The following STOX2 variants were observed in gnomAD, a reference collection of about 807,000 sequenced individuals.
STOX2 encodes storkhead box 2, also known as storkhead-box protein 2.
Under a neutral mutation model 60.9 loss-of-function variants are expected in STOX2, and 28 were observed. The observed-to-expected ratio is 0.46, with a 90% CI of 0.34 to 0.63. STOX2 has a LOEUF of 0.63. Ranked by LOEUF, STOX2 falls within the 30% of genes least tolerant of loss-of-function variation. STOX2 has a pLI of 0.01. For synonymous variants in STOX2, 472 were observed against 463.9 expected, an observed-to-expected ratio of 1.02 and a Z score of -0.22; for missense variants, 1,024 against 1,187.7, an observed-to-expected ratio of 0.86 and a Z score of 2.03.
chr4:183,895,625 G>A (rs1055456735), intron 1 of STOX2, among the ~76,000 whole-genome samples: 1 of 152,188 alleles, frequency 6.6e-6, no homozygotes, highest in African/African-American at 2.4e-5. Flanking sequence ...CTGCCCTTAG[G>A]AGGCAGATTC....
At chr4:183,854,194 C>T (rs565218670) in intron 1 of STOX2, among the ~76,000 whole-genome samples, 1 of 152,326 alleles carries the variant, frequency 6.6e-6, no homozygotes, top group African/African-American at 2.4e-5. Flanking sequence ...ATATAAGTGT[C>T]TTGAATAATG....
intron 2 of STOX2, among the ~76,000 whole-genome samples, chr4:184,008,668 C>A (rs1733986187): frequency 6.6e-6 from 1 of 152,170 alleles, no homozygotes; most frequent in Non-Finnish European, 1.5e-5. Context: ...TAAGTAAAAT[C>A]TTTAACAATG....
intron 1 of STOX2, among the ~76,000 whole-genome samples, chr4:183,809,683 T>C (rs542162273): frequency 1.1e-4 from 17 of 152,336 alleles, no homozygotes; most frequent in South Asian, 2.1e-4. Flanking sequence ...AGGTGTGAGC[T>C]ACCATTCCCG....
In STOX2 at chr4:184,007,027, A is replaced by AC. The variant is rs1465192455; in HGVS notation, c.320-2131_320-2130insC. 4.9e-4 allele frequency among the ~76,000 whole-genome samples: 64 copies of AC among 130,650 alleles called. 4 individuals carry two copies. Among genetic ancestry groups the AC allele is most frequent in the African/African-American group, 2.2e-3 (63 of 28,738 alleles). 85.7% of individuals were successfully genotyped at this position (130,650 alleles called of 152,430 possible). On this transcript the variant is annotated intron_variant, in intron 2 of 3. Transcript: ENST00000308497. ...CGAGACTCTGTCTCAAAAAAAAAAAAAAAAACAAAACAAAAAAAAAATTTT... is the reference window on the plus strand; with the variant it reads ...CGAGACTCTGTCTCAAAAAAAAAAAACAAAAACAAAACAAAAAAAAAATTTT...
rs1364993547 is a variant in STOX2, at chr4:183,861,342, T to C, written c.364+63287T>C. 5.3e-5 allele frequency among the ~76,000 whole-genome samples: 8 copies of C among 152,088 alleles called. No homozygotes were observed. The East Asian group carries it at 1.2e-3, about 22-fold the overall frequency. On this transcript the variant is annotated intron_variant, in intron 1 of 2. Coordinates refer to the STOX2 transcript ENST00000513034. ...CCTCACCCTGCTGCAGTGGGGCCCC[T>C]GTCTTTGTCTGGCCATTGCTGCTGT...
rs544880371 is a variant in STOX2 at position 183,822,999 on chromosome 4, C to A, written c.364+24944C>A. Among the ~76,000 whole-genome samples, 6 of 152,334 alleles carry A rather than the reference C, an allele frequency of 3.9e-5. No homozygotes were observed. The South Asian group carries it at 1.0e-3, about 26-fold the overall frequency. On this transcript the variant is annotated intron_variant, in intron 1 of 2. Coordinates refer to the STOX2 transcript ENST00000513034. ...CTGTGTCCGACCCATCTGCTGTGCA[C>A]CTCCTGAGAACCTTCGGGTGCTCTT... is the stretch of plus-strand genomic sequence containing the variant.
At chr4:183,842,817 C>G (rs185885295) in intron 1 of STOX2, among the ~76,000 whole-genome samples, 77 of 152,068 alleles carry the variant, frequency 5.1e-4, no homozygotes, top group Admixed American at 2.9e-3. Context: ...AAATAGGTCA[C>G]AGTGAGTTTT....
intron 1 of STOX2, among the ~76,000 whole-genome samples, chr4:183,918,945 A>G (rs1221310618): frequency 2.6e-5 from 4 of 151,816 alleles, no homozygotes; most frequent in Non-Finnish European, 5.9e-5. Flanking sequence ...CGCTGCATCT[A>G]CCCCCGAGTT....
intron 1 of STOX2, among the ~76,000 whole-genome samples, chr4:183,999,902 A>G (rs1207368686): frequency 6.6e-6 from 1 of 152,284 alleles, no homozygotes; most frequent in Admixed American, 6.5e-5. Context: ...GCTTAATGCT[A>G]CAGGCCGACC....
rs60300009 is a variant in STOX2, at chr4:183,891,358, T to TTA, written c.364+93351_364+93352dup. On this transcript the variant is annotated intron_variant, in intron 1 of 2. Transcript: ENST00000513034. ...TGATGGAATATATATATGATGGAAT[T>TTA]TATATATATATATATATATATATAT... 3.6e-3 allele frequency among the ~76,000 whole-genome samples: 303 copies of TTA among 85,064 alleles called. 2 individuals are homozygous for TTA. Among genetic ancestry groups the TTA allele is most frequent in the Non-Finnish European group, 4.7e-3 (200 of 43,006 alleles). 55.8% of individuals were successfully genotyped at this position (85,064 alleles called of 152,430 possible). A position where few individuals can be genotyped will look rare whatever the true frequency, so the allele number is the denominator to read the frequency against.
chr4:183,958,714 A>G (rs941247761), intron 1 of STOX2, among the ~76,000 whole-genome samples: 1 of 152,194 alleles, frequency 6.6e-6, no homozygotes, highest in African/African-American at 2.4e-5. Context: ...GAGAATAAGC[A>G]GTATTTACCT....
At chr4:183,937,214 A>G (rs890206654) in intron 1 of STOX2, among the ~76,000 whole-genome samples, 1 of 152,250 alleles carries the variant, frequency 6.6e-6, no homozygotes, top group African/African-American at 2.4e-5. Flanking sequence ...AGGAAAATTC[A>G]AAACACATTG....
rs546961149 is a variant in STOX2 at position 184,011,021 on chromosome 4, C to T, written c.2183C>T (p.Pro728Leu). ...KSSLSLLKSH[P>L]KTPADTLPGR... The stretch of plus-strand genomic sequence containing the variant: ...AGCCTGTCCCTCCTCAAATCTCACC[C>T]GAAGACACCTGCTGACACATTGCCA... Residue 728 changes from proline to leucine, a missense_variant, in exon 3 of 4, where the codon CCG becomes CTG. Coordinates refer to ENST00000308497, the MANE Select transcript of STOX2 (RefSeq NM_020225.3). The surrounding 1 kb of genome is among the most constrained non-coding windows in gnomAD (Gnocchi z 4.4). 102 of 1,613,246 alleles carry T rather than the reference C, an allele frequency of 6.3e-5. No individual in the cohort carries two copies. The highest frequency in any genetic ancestry group is 1.7e-4 in the Admixed American group (10 of 59,946).
intron 1 of STOX2, among the ~76,000 whole-genome samples, chr4:183,809,900 C>G (rs1738996920): frequency 6.6e-6 from 1 of 152,176 alleles, no homozygotes; most frequent in South Asian, 2.1e-4. Flanking sequence ...CTCTGAAATA[C>G]TTTTTAAAAG....
chr4:183,804,753 C>T (rs930306), intron 1 of STOX2, among the ~76,000 whole-genome samples: 110,281 of 152,160 alleles, frequency 0.72, 42,348 homozygotes, highest in South Asian at 0.9. Flanking sequence ...CACTTTGGCT[C>T]AAAGATGTTT....
At chr4:183,907,065 G>A in intron 1 of STOX2, 109 bp downstream of exon 1, 1 of 962,760 alleles carries the variant, frequency 1.0e-6, no homozygotes, top group Non-Finnish European at 1.5e-6. Flanking sequence ...GATGCGATAA[G>A]TTATGGGGAA....
intron 1 of STOX2, among the ~76,000 whole-genome samples, chr4:183,802,626 G>C (rs952727889): frequency 4.9e-5 from 7 of 142,596 alleles, no homozygotes; most frequent in African/African-American, 1.8e-4. Context: ...TTTTTTTTGA[G>C]GCGGAGTCTC....
intron 1 of STOX2, among the ~76,000 whole-genome samples, chr4:183,933,030 C>A (rs1180899725): frequency 6.6e-6 from 1 of 152,150 alleles, no homozygotes; most frequent in Non-Finnish European, 1.5e-5. Flanking sequence ...GATTCACATG[C>A]TAAATGACCA....
chr4:183,916,146 C>T (rs1258647774), intron 1 of STOX2, among the ~76,000 whole-genome samples: 4 of 152,166 alleles, frequency 2.6e-5, no homozygotes, highest in Non-Finnish European at 4.4e-5. Context: ...AGTCCCGGGA[C>T]GTGGTGGTGT....
Sources: gnomAD v4.1 joint callset for allele counts (sites outside exome capture counted in the v4.1 genomes callset) on GRCh38, gnomAD v4.1.1 for gene constraint, Gnocchi (gnomAD v3.1) non-coding constraint, MANE v1.5 for transcripts, NCBI Gene and HGNC (gene_info 2026-07-23, HGNC 2026-07-21) for gene names.